Variants in JHY observed in about 807,000 individuals in gnomAD.
The protein encoded by JHY is junctional cadherin complex regulator, also known as jhy protein homolog.
Under a neutral mutation model 78.0 loss-of-function variants are expected in JHY, and 69 were observed. The ratio of observed to expected loss-of-function variants is 0.88; its 90% CI spans 0.73 to 1.08. The LOEUF is 1.08. Ranked by LOEUF, JHY falls within the 50% of genes least tolerant of loss-of-function variation. JHY has a pLI of 0.00. For missense variants in JHY, 944 were observed against 927.8 expected (o/e 1.02, Z -0.23); for synonymous variants, 368 against 342.6 (o/e 1.07, Z -0.82).
chr11:122,900,486 G>A (rs1158497691), intron 2 of JHY, among the ~76,000 whole-genome samples: 1 of 139,688 alleles, frequency 7.2e-6, no homozygotes, highest in Non-Finnish European at 1.5e-5. Context: ...GATCAAAGAG[G>A]CCATTAAATA....
intron 3 of JHY, among the ~76,000 whole-genome samples, chr11:122,912,843 C>CAT (rs1019230579): frequency 2.0e-4 from 31 of 151,728 alleles, no homozygotes; most frequent in East Asian, 1.7e-3. Flanking sequence ...AAATATATAT[C>CAT]ATATATATAT....
Position 122,962,662 on chromosome 11 carries a change from A to T in JHY, c.*3217A>T, listed in dbSNP as rs1864338875. On this transcript the variant is annotated 3_prime_UTR_variant, in exon 9 of 9. Coordinates refer to ENST00000227349, the MANE Select transcript of JHY (RefSeq NM_024806.4). ...ATTCGAACTTAATTTGGAAGAGAAAAAGAATGCATATAGAGACATTCATAT... is the reference window on the plus strand; with the variant it reads ...ATTCGAACTTAATTTGGAAGAGAAATAGAATGCATATAGAGACATTCATAT... Among the ~76,000 whole-genome samples the T allele has an allele frequency of 6.6e-6, 1 of 152,236 alleles. No homozygotes were observed. Among genetic ancestry groups the T allele is most frequent in the African/African-American group, 2.4e-5 (1 of 41,468 alleles).
At position 122,957,446 on chromosome 11, in the gene JHY, A is replaced by G; in HGVS notation, c.2094A>G (p.Pro698=). The change falls in exon 8 of 9, where the codon CCA becomes CCG. Residue 698 remains proline, a synonymous_variant. Transcript: ENST00000227349. ...NMKTLSILSK[P]QTEKTQKKSA... is the part of the protein sequence containing the mutation. ...AGACACTATCCATTCTATCAAAACC[A>G]CAAACAGAAAAAACTCAAAAGAAAT... The G allele has an allele frequency of 3.9e-6, 6 of 1,540,354 alleles. No individual in the cohort carries two copies. The highest frequency in any genetic ancestry group is 5.2e-6 in the Non-Finnish European group (6 of 1,154,886).
chr11:122,897,537 T>A (rs1369525492), intron 2 of JHY, among the ~76,000 whole-genome samples: 2 of 152,236 alleles, frequency 1.3e-5, no homozygotes. Context: ...TGGCCAGTAC[T>A]ATTATTATCC....
At chr11:122,941,693 G>A (rs1591394477) in intron 5 of JHY, among the ~76,000 whole-genome samples, 1 of 152,032 alleles carries the variant, frequency 6.6e-6, no homozygotes, top group East Asian at 1.9e-4. Context: ...TCAGTGTTAG[G>A]ATTTTCTTTT....
chr11:122,912,131 A>G (rs1474861894), intron 3 of JHY, among the ~76,000 whole-genome samples: 1 of 151,684 alleles, frequency 6.6e-6, no homozygotes, highest in Non-Finnish European at 1.5e-5. Flanking sequence ...TACTAAAAAT[A>G]CAAAACTTAG....
At chr11:122,919,686 A>G (rs2135332802) in intron 3 of JHY, among the ~76,000 whole-genome samples, 1 of 152,164 alleles carries the variant, frequency 6.6e-6, no homozygotes, top group African/African-American at 2.4e-5. Flanking sequence ...AAATATATTC[A>G]AAAGTTTCGT....
At chr11:122,940,821 CTCCTTCCT>C (rs5795359) in intron 5 of JHY, among the ~76,000 whole-genome samples, 44 of 150,198 alleles carry the variant, frequency 2.9e-4, no homozygotes, top group Non-Finnish European at 5.0e-4. Context: ...CTTCCTTTTT[CTCCTTCCT>C]TCCTTCCTTC....
In JHY at chr11:122,931,450, A is replaced by G. The variant is rs1459631874; in HGVS notation, c.979-2970A>G. 2.0e-5 allele frequency among the ~76,000 whole-genome samples: 3 copies of G among 152,210 alleles called. No individual in the cohort carries two copies. The East Asian group carries it at 5.8e-4, about 29-fold the overall frequency. On this transcript the variant is annotated intron_variant, in intron 4 of 8. Coordinates refer to ENST00000227349, the MANE Select transcript of JHY (RefSeq NM_024806.4). ...TGCCTCCAACACTATCAATAGATCT[A>G]TGCTTCTTCTATTCATCTGAACACA...
intron 3 of JHY, chr11:122,905,731 G>A (rs1862976143): frequency 3.5e-6 from 1 of 285,746 alleles, no homozygotes; most frequent in African/African-American, 2.3e-5. Flanking sequence ...GCCGGGTGTG[G>A]TGATGCACAC....
intron 2 of JHY, among the ~76,000 whole-genome samples, chr11:122,897,726 G>A (rs548560739): frequency 7.2e-5 from 11 of 152,240 alleles, no homozygotes; most frequent in Admixed American, 2.6e-4. Context: ...ACAAAGCACC[G>A]CAATATTACA....
intron 2 of JHY, among the ~76,000 whole-genome samples, chr11:122,893,907 C>T (rs1282178851): frequency 1.3e-5 from 2 of 152,094 alleles, no homozygotes; most frequent in Non-Finnish European, 2.9e-5. Context: ...AAGACTTGCC[C>T]AAGCTCACAT....
At chr11:122,954,369 C>T (rs536336660) in intron 6 of JHY, among the ~76,000 whole-genome samples, 3 of 152,314 alleles carry the variant, frequency 2.0e-5, no homozygotes, top group East Asian at 3.9e-4. Context: ...GTCTTTTGAA[C>T]ATCTACAGTG....
chr11:122,891,554 C>T (rs1015993384), intron 2 of JHY, among the ~76,000 whole-genome samples: 1 of 115,182 alleles, frequency 8.7e-6, no homozygotes, highest in Non-Finnish European at 1.7e-5. Context: ...CTGGGGACTT[C>T]TGAAACCTTG....
intron 6 of JHY, among the ~76,000 whole-genome samples, chr11:122,949,748 T>C (rs549964461): frequency 6.6e-6 from 1 of 152,042 alleles, no homozygotes. Context: ...GCCCACGCTG[T>C]GGAATCTGCA....
rs1311666157 is a variant in JHY, at chr11:122,959,603, T to C, written c.*158T>C. 1.5e-6 allele frequency: 1 copy of C among 688,924 alleles called. No individual in the cohort carries two copies. The highest frequency in any genetic ancestry group is 2.4e-6 in the Non-Finnish European group (1 of 423,470). 42.7% of individuals were successfully genotyped at this position (688,924 alleles called of 1,614,324 possible). Reference sequence around the variant, plus strand: ...GCAGGATTTAAAATATGAGGCCCAATTGGATTATGGTGCCATATTTTACTT... The same window carrying C: ...GCAGGATTTAAAATATGAGGCCCAACTGGATTATGGTGCCATATTTTACTT... On this transcript the variant is annotated 3_prime_UTR_variant, in exon 9 of 9. Transcript: ENST00000227349.
chr11:122,900,132 CTCTT>C (rs1475038506), intron 2 of JHY, among the ~76,000 whole-genome samples: 3 of 152,242 alleles, frequency 2.0e-5, no homozygotes, highest in Non-Finnish European at 4.4e-5. Context: ...AGGAGCATCT[CTCTT>C]CTCTTGTTGG....
chr11:122,885,563 A>G (rs1862477189), intron 1 of JHY, among the ~76,000 whole-genome samples, 198 bp from the exon 2 acceptor site: 1 of 152,222 alleles, frequency 6.6e-6, no homozygotes, highest in African/African-American at 2.4e-5. Context: ...GCTGCTTATG[A>G]GCGCTACATC....
chr11:122,950,016 T>G (rs1370134187), intron 6 of JHY, among the ~76,000 whole-genome samples: 2 of 151,954 alleles, frequency 1.3e-5, no homozygotes, highest in Admixed American at 1.3e-4. Context: ...GTATTTTTAG[T>G]AGAAATGGGG....
Sources: allele counts gnomAD v4.1 joint callset (sites outside exome capture counted in the v4.1 genomes callset), GRCh38; gene constraint gnomAD v4.1.1; transcripts MANE v1.5; gene names NCBI Gene and HGNC (gene_info 2026-07-23, HGNC 2026-07-21).